The following MACF1 variants were observed in gnomAD, a reference collection of about 807,000 sequenced individuals.
MACF1 encodes microtubule-actin cross-linking factor 1.
A neutral mutation model predicts 854.8 loss-of-function variants in MACF1; 193 were observed. The ratio of observed to expected loss-of-function variants is 0.23; its 90% CI spans 0.20 to 0.25. MACF1 has a LOEUF of 0.25. Among genes scored for constraint, MACF1 ranks in the 10% least tolerant of loss-of-function variants. The pLI, the probability that MACF1 is intolerant of heterozygous loss-of-function variation, is 1.00. For missense variants in MACF1, 7,722 were observed against 8,929.1 expected (o/e 0.86, Z 5.45); for synonymous variants, 3,185 against 3,226.7 (o/e 0.99, Z 0.44).
chr1:39,456,121 G>A (rs933772057), intron 89 of MACF1, among the ~76,000 whole-genome samples: 1 of 152,134 alleles, frequency 6.6e-6, no homozygotes, highest in Non-Finnish European at 1.5e-5. Context: ...ATCACTTGAG[G>A]TGAAGAGTTT....
upstream of MACF1, among the ~76,000 whole-genome samples, chr1:39,201,365 C>CT (rs71575618): frequency 3.4e-4 from 51 of 148,542 alleles, no homozygotes; most frequent in African/African-American, 8.6e-4. Flanking sequence ...AAGAATGATC[C>CT]TTTTTTTTTT....
At chr1:39,241,389 G>A (rs553994238) in intron 2 of MACF1, among the ~76,000 whole-genome samples, 1 of 152,124 alleles carries the variant, frequency 6.6e-6, no homozygotes, top group Non-Finnish European at 1.5e-5. Context: ...GCCAGGCATG[G>A]TGGCTCACGC....
At position 39,335,594 on chromosome 1, in the gene MACF1, A is replaced by G; in HGVS notation, c.9006A>G (p.Glu3002=). The G allele has an allele frequency of 6.2e-7, 1 of 1,614,204 alleles. No individual in the cohort carries two copies. The highest frequency in any genetic ancestry group is 8.5e-7 in the Non-Finnish European group (1 of 1,180,030). The part of the protein sequence containing the change: ...AFLSEEKLYQ[E]TAIRDEHDSH... ...TTTCTGAAGAAAAGTTGTATCAGGAAACTGCCATTAGAGATGAGCATGACT... is the reference window on the plus strand; with the variant it reads ...TTTCTGAAGAAAAGTTGTATCAGGAGACTGCCATTAGAGATGAGCATGACT... Residue 3002 remains glutamate (E), a synonymous_variant, in exon 37 of 101, where the codon GAA becomes GAG. Coordinates refer to ENST00000564288, the MANE Select transcript of MACF1 (RefSeq NM_001394062.1).
intron 44 of MACF1, among the ~76,000 whole-genome samples, chr1:39,355,817 C>T (rs1357318270): frequency 2.0e-5 from 3 of 152,114 alleles, no homozygotes; most frequent in African/African-American, 7.2e-5. Context: ...GGCTGAAGTG[C>T]AGTGGTACGA....
intron 2 of MACF1, among the ~76,000 whole-genome samples, chr1:39,139,859 T>G (rs1643299191): frequency 6.6e-6 from 1 of 152,240 alleles, no homozygotes. Context: ...ACAGATGTTT[T>G]TCATCACTCC....
At chr1:39,102,793 C>T (rs1197714405) in intron 2 of MACF1, 2 of 702,572 alleles carry the variant, frequency 2.8e-6, no homozygotes, top group Non-Finnish European at 5.2e-6. Context: ...AAAAGAAAAT[C>T]AAAGACCAAA....
chr1:39,433,005 A>C, intron 67 of MACF1, 43 bp from the exon 68 acceptor site: 1 of 1,258,870 alleles, frequency 7.9e-7, no homozygotes, highest in East Asian at 2.4e-5. Flanking sequence ...TAATAACAGG[A>C]AAAGGGTCTT....
At chr1:39,172,548 C>T (rs2148222842) in intron 2 of MACF1, among the ~76,000 whole-genome samples, 1 of 152,142 alleles carries the variant, frequency 6.6e-6, no homozygotes, top group South Asian at 2.1e-4. Context: ...CATGGTTTAA[C>T]TCCTCAAGAT....
intron 84 of MACF1, among the ~76,000 whole-genome samples, chr1:39,449,849 C>A (rs1439529214): frequency 6.6e-6 from 1 of 151,264 alleles, no homozygotes; most frequent in African/African-American, 2.4e-5. Flanking sequence ...TGCCACCATA[C>A]CTGGTTAATG....
At chr1:39,200,714 AAG>A (rs1644379089), upstream of MACF1, among the ~76,000 whole-genome samples, 1 of 151,794 alleles carries the variant, frequency 6.6e-6, no homozygotes, top group African/African-American at 2.4e-5. Context: ...AAAAAAAAAA[AAG>A]AAAAAAATTC....
At chr1:39,472,508 G>A (rs140123817) in intron 97 of MACF1, among the ~76,000 whole-genome samples, 65 of 152,148 alleles carry the variant, frequency 4.3e-4, no homozygotes, top group African/African-American at 1.1e-3. Flanking sequence ...AAAATTGGCC[G>A]CTTTAAGTTT....
chr1:39,389,758 T>A (rs1328000814), intron 58 of MACF1, among the ~76,000 whole-genome samples: 1 of 152,194 alleles, frequency 6.6e-6, no homozygotes, highest in Non-Finnish European at 1.5e-5. Context: ...AGGATATTGA[T>A]GTATATTTGA....
At chr1:39,088,935 G>A (rs1641740284) in intron 2 of MACF1, among the ~76,000 whole-genome samples, 1 of 152,200 alleles carries the variant, frequency 6.6e-6, no homozygotes, top group African/African-American at 2.4e-5. Flanking sequence ...TAGGGTGCAG[G>A]AAGATTCCAC....
chr1:39,270,611 A>T (rs937443191), intron 6 of MACF1, among the ~76,000 whole-genome samples: 5 of 152,178 alleles, frequency 3.3e-5, no homozygotes, highest in Non-Finnish European at 5.9e-5. Flanking sequence ...TGTGTGGGTG[A>T]TTGAAGTTAT....
intron 45 of MACF1, 24 bp from the exon 46 acceptor site, chr1:39,358,673 C>G: frequency 6.2e-7 from 1 of 1,611,234 alleles, no homozygotes; most frequent in East Asian, 2.2e-5. Context: ...CTTAAGTCTG[C>G]TTACCTTTCT....
chr1:39,285,693 G>T lies in MACF1; in HGVS notation c.1443G>T (p.Gln481His). The T allele has an allele frequency of 6.2e-7, 1 of 1,614,066 alleles. No individual in the cohort carries two copies. Among genetic ancestry groups the T allele is most frequent in the Non-Finnish European group, 8.5e-7 (1 of 1,179,986 alleles). ...YIQECEGLIR[Q>H]LQVDLQILRD... The stretch of plus-strand genomic sequence containing the variant: ...AGGAGTGTGAAGGTCTCATCAGGCA[G>T]CTGCAGGTGGATCTCCAGATCCTGC... Residue 481 changes from glutamine to histidine, a missense_variant, in exon 14 of 101, where the codon CAG becomes CAT. Coordinates refer to ENST00000564288, the MANE Select transcript of MACF1 (RefSeq NM_001394062.1).
chr1:39,222,523 G>C (rs1316683492), intron 1 of MACF1, among the ~76,000 whole-genome samples: 1 of 152,122 alleles, frequency 6.6e-6, no homozygotes, highest in East Asian at 1.9e-4. Context: ...CGTTCACTTC[G>C]TAGCCTTTTG....
intron 40 of MACF1, among the ~76,000 whole-genome samples, 163 bp from the exon 41 acceptor site, chr1:39,346,814 T>C (rs1046966477): frequency 2.6e-5 from 4 of 152,202 alleles, no homozygotes; most frequent in African/African-American, 9.6e-5. Flanking sequence ...CCACCGCACC[T>C]GGCCAAGAGA....
At position 39,442,330 on chromosome 1, in the gene MACF1, G is replaced by A. The variant is rs1644135352; in HGVS notation, c.18948+10G>A. On this transcript the variant is annotated intron_variant, in intron 76 of 100. Transcript: ENST00000564288. ...AATTGCCCACCGACAGGTAAGGCAG[G>A]TGGTAGATGACATCAGTGAACTACT... 1 of 1,597,108 alleles carries A rather than the reference G, an allele frequency of 6.3e-7. No individual in the cohort carries two copies. The highest frequency in any genetic ancestry group is 8.5e-7 in the Non-Finnish European group (1 of 1,173,206).
Sources: allele counts gnomAD v4.1 joint callset (sites outside exome capture counted in the v4.1 genomes callset), GRCh38; gene constraint gnomAD v4.1.1; transcripts MANE v1.5; gene names NCBI Gene and HGNC (gene_info 2026-07-23, HGNC 2026-07-21).